The following ZMIZ1 variants were observed in gnomAD, a reference collection of about 807,000 sequenced individuals.
ZMIZ1 encodes zinc finger MIZ-type containing 1, also known as zinc finger MIZ domain-containing protein 1.
Under a neutral mutation model 113.9 loss-of-function variants are expected in ZMIZ1, and 17 were observed. The ratio of observed to expected loss-of-function variants is 0.15; its 90% CI spans 0.10 to 0.22. The LOEUF (loss-of-function observed/expected upper bound fraction) is 0.22, where lower values mean the gene tolerates loss of function less well. Among genes scored for constraint, ZMIZ1 ranks in the 10% least tolerant of loss-of-function variants. The pLI, the probability that ZMIZ1 is intolerant of heterozygous loss-of-function variation, is 1.00. For synonymous variants in ZMIZ1, 607 were observed against 603.1 expected (o/e 1.01, Z -0.09); for missense variants, 1,059 against 1,477.8 (o/e 0.72, Z 4.65).
chr10:79,196,461 A>G (rs1847836230), intron 4 of ZMIZ1, among the ~76,000 whole-genome samples: 2 of 152,192 alleles, frequency 1.3e-5, no homozygotes, highest in South Asian at 4.1e-4. Flanking sequence ...GTTGAGGCAG[A>G]GCGGGTAGAT....
At position 79,314,864 on chromosome 10, in the gene ZMIZ1, TGTGGCCTGGCAA is replaced by T. The variant is rs1006386861; in HGVS notation, c.*2122_*2133del. On this transcript the variant is annotated 3_prime_UTR_variant, in exon 25 of 25. Coordinates refer to ENST00000334512, the MANE Select transcript of ZMIZ1 (RefSeq NM_020338.4). ...CATGTGGCCACCCTTGCCCAGTGTC[TGTGGCCTGGCAA>T]GTGGCCACGCCCTGTGTCAGACCAT... 1.9e-4 allele frequency: 29 copies of T among 153,440 alleles called. No individual in the cohort carries two copies. Among genetic ancestry groups the T allele is most frequent in the Admixed American group, 1.2e-3 (19 of 15,362 alleles). 9.5% of individuals were successfully genotyped at this position (153,440 alleles called of 1,614,324 possible).
Position 79,311,158 on chromosome 10 carries a change from T to C in ZMIZ1, c.3070T>C (p.Ser1024Pro). ...LEGQAGAQGA[S>P]DMPEPSLDLL... ...GGGTCAGGCCGGAGCGCAGGGAGCG[T>C]CCGACATGCCGGAGCCTTCGCTGGA... The change falls in exon 24 of 25, where the codon TCC becomes CCC. Residue 1024 changes from serine to proline, a missense_variant. Ser to Pro is a moderately conservative substitution (Grantham distance 74). Transcript: ENST00000334512. The C allele has an allele frequency of 6.2e-7, 1 of 1,613,080 alleles. No individual in the cohort carries two copies. Among genetic ancestry groups the C allele is most frequent in the African/African-American group, 1.3e-5 (1 of 75,012 alleles).
chr10:79,194,770 C>G (rs1294420094), intron 4 of ZMIZ1, among the ~76,000 whole-genome samples: 1 of 152,200 alleles, frequency 6.6e-6, no homozygotes, highest in African/African-American at 2.4e-5. Context: ...AACGTTCTAT[C>G]CTCCAAGCAG....
chr10:79,222,312 T>A lies in ZMIZ1; in HGVS notation c.280+6038T>A, dbSNP rs576651278. Among the ~76,000 whole-genome samples, 3 of 152,338 alleles carry A rather than the reference T, an allele frequency of 2.0e-5. No individual in the cohort carries two copies. The East Asian group carries it at 5.8e-4, about 29-fold the overall frequency. ...GTCCTCACAGCTGACTGGGACTGAC[T>A]GGGTGGTGGTGGCTAACCTCTGGGA... On this transcript the variant is annotated intron_variant, in intron 7 of 24. Transcript: ENST00000334512.
intron 1 of ZMIZ1, among the ~76,000 whole-genome samples, chr10:79,110,878 C>T (rs1036148968): frequency 2.3e-4 from 35 of 152,230 alleles, no homozygotes; most frequent in African/African-American, 6.3e-4. Flanking sequence ...ACCAATGGAC[C>T]TGAAGTCTGG....
At chr10:79,290,763 C>T (rs756497255) in intron 9 of ZMIZ1, 196 bp from the exon 10 acceptor site, 1 of 721,166 alleles carries the variant, frequency 1.4e-6, no homozygotes, top group Middle Eastern at 2.3e-4. Flanking sequence ...TCTCATCCCC[C>T]ACGCCACCTG....
chr10:79,196,016 C>T (rs966998586), intron 4 of ZMIZ1, among the ~76,000 whole-genome samples: 2 of 152,102 alleles, frequency 1.3e-5, no homozygotes, highest in African/African-American at 4.8e-5. Flanking sequence ...CTCTTGCATG[C>T]CTCCCTCAGC....
In ZMIZ1 at chr10:79,291,184, G is replaced by A. The variant is rs1412993585; in HGVS notation, c.758+8G>A. 1.3e-6 allele frequency: 2 copies of A among 1,592,850 alleles called. No individual in the cohort carries two copies. The highest frequency in any genetic ancestry group is 2.7e-5 in the African/African-American group (2 of 74,466). On this transcript the variant is annotated splice_region_variant and intron_variant, in intron 10 of 24. Coordinates refer to ENST00000334512, the MANE Select transcript of ZMIZ1 (RefSeq NM_020338.4). ...CGGGGGCTTTGGGGCCAGGTGAGCA[G>A]GGCTGACCTGTGGCAGAAGCCATGG...
intron 7 of ZMIZ1, among the ~76,000 whole-genome samples, chr10:79,237,581 A>G (rs778168253): frequency 7.9e-5 from 12 of 152,100 alleles, no homozygotes; most frequent in Non-Finnish European, 1.8e-4. Context: ...ACATAACTTC[A>G]GTCTTCACGT....
intron 2 of ZMIZ1, among the ~76,000 whole-genome samples, chr10:79,126,766 C>T (rs962394257): frequency 1.3e-5 from 2 of 152,218 alleles, no homozygotes; most frequent in Non-Finnish European, 2.9e-5. Flanking sequence ...ACCTGGGGAG[C>T]CACAGCAGGG....
At position 79,252,901 on chromosome 10, in the gene ZMIZ1, G is replaced by A. The variant is rs570876056; in HGVS notation, c.281-24280G>A. Among the ~76,000 whole-genome samples the A allele has an allele frequency of 4.6e-5, 7 of 152,294 alleles. No homozygotes were observed. The East Asian group carries it at 1.2e-3, about 25-fold the overall frequency. The stretch of plus-strand genomic sequence containing the variant: ...AAGTTCATAACTATGACTATAGCTC[G>A]CTCAAGTTTGTATGGTGAGCATCCA... On this transcript the variant is annotated intron_variant, in intron 7 of 24. Coordinates refer to ENST00000334512, the MANE Select transcript of ZMIZ1 (RefSeq NM_020338.4).
intron 7 of ZMIZ1, among the ~76,000 whole-genome samples, chr10:79,224,478 C>T (rs1383536986): frequency 1.3e-5 from 2 of 152,056 alleles, no homozygotes; most frequent in Non-Finnish European, 2.9e-5. Context: ...GGGATTAGCT[C>T]ATCACTGGCC....
chr10:79,195,664 G>A (rs1221532627), intron 4 of ZMIZ1, among the ~76,000 whole-genome samples: 2 of 152,228 alleles, frequency 1.3e-5, no homozygotes, highest in Non-Finnish European at 2.9e-5. Context: ...GGTGGCCGGT[G>A]TGCAGGGAGC....
intron 5 of ZMIZ1, among the ~76,000 whole-genome samples, chr10:79,205,119 G>A (rs949034344): frequency 1.9e-4 from 29 of 152,364 alleles, no homozygotes; most frequent in Admixed American, 1.8e-3. Flanking sequence ...TGCCCCAGCA[G>A]ACTCAATGGC....
intron 7 of ZMIZ1, among the ~76,000 whole-genome samples, chr10:79,274,271 T>C (rs191585409): frequency 6.6e-6 from 1 of 152,216 alleles, no homozygotes; most frequent in Non-Finnish European, 1.5e-5. Flanking sequence ...CCTGGGACTG[T>C]TTTTGCCATT....
intron 7 of ZMIZ1, among the ~76,000 whole-genome samples, chr10:79,230,314 C>T (rs1461232851): frequency 6.6e-6 from 1 of 152,220 alleles, no homozygotes; most frequent in Admixed American, 6.5e-5. Context: ...GGGTCATCTG[C>T]AGCGTCTGCT....
intron 1 of ZMIZ1, among the ~76,000 whole-genome samples, chr10:79,093,973 A>G (rs781197239): frequency 2.0e-5 from 3 of 152,202 alleles, no homozygotes; most frequent in Non-Finnish European, 2.9e-5. Context: ...CATTTTGGGA[A>G]AGAGCTGAGT....
rs1227369052 is a variant in ZMIZ1, at chr10:79,293,560, C to T, written c.1137C>T (p.Gly379=). The T allele has an allele frequency of 2.5e-6, 4 of 1,612,964 alleles. No homozygotes were observed. The South Asian group carries it at 4.4e-5, about 18-fold the overall frequency. Residue 379 remains glycine, a synonymous_variant, in exon 12 of 25, where the codon GGC becomes GGT. Transcript: ENST00000334512. ...GGCCGCCCGGCATCAGCCCCTTTGGCACACACGGGCAGCGGATGCCCCAGC... is the reference window on the plus strand; with the variant it reads ...GGCCGCCCGGCATCAGCCCCTTTGGTACACACGGGCAGCGGATGCCCCAGC... The part of the protein sequence containing the change: ...QPRPPGISPF[G]THGQRMPQQT...
At chr10:79,238,856 G>A (rs1260317527) in intron 7 of ZMIZ1, among the ~76,000 whole-genome samples, 1 of 152,194 alleles carries the variant, frequency 6.6e-6, no homozygotes, top group Non-Finnish European at 1.5e-5. Flanking sequence ...GAAAATGCCT[G>A]GAAGTGTGCC....
Sources: gnomAD v4.1 joint callset for allele counts (sites outside exome capture counted in the v4.1 genomes callset) on GRCh38, gnomAD v4.1.1 for gene constraint, MANE v1.5 for transcripts, NCBI Gene and HGNC (gene_info 2026-07-23, HGNC 2026-07-21) for gene names.